The following ST3GAL5 variants were observed in gnomAD, a reference collection of about 807,000 sequenced individuals.
The protein encoded by ST3GAL5 is lactosylceramide alpha-2,3-sialyltransferase.
ST3GAL5 carries 25 observed loss-of-function variants against 46.1 expected under a neutral mutation model. The ratio of observed to expected loss-of-function variants is 0.54; its 90% CI spans 0.40 to 0.76. The LOEUF is 0.76. Ranked by LOEUF, ST3GAL5 falls within the 30% of genes least tolerant of loss-of-function variation. The probability of loss-of-function intolerance (pLI) is 0.00; values close to 1 mark genes in which losing one functional copy is unlikely to be tolerated. For missense variants in ST3GAL5, 431 were observed against 521.2 expected (o/e 0.83, Z 1.69); for synonymous variants, 182 against 192.7 (o/e 0.94, Z 0.46).
rs958749312 is a variant in ST3GAL5 at position 85,839,654 on chromosome 2, C to T, written c.*490G>A. ...CAGCCCAGGCCTCACGCCGCTGCAT[C>T]GCAGACCCAGTATCAGCAGCAGAGC... On this transcript the variant is annotated 3_prime_UTR_variant, in exon 7 of 7. Transcript: ENST00000638572. The T allele has an allele frequency of 2.1e-5, 5 of 234,436 alleles. No individual in the cohort carries two copies. The highest frequency in any genetic ancestry group is 5.4e-5 in the South Asian group (1 of 18,404). The allele number at this position is 234,436 out of a possible 1,614,324, so 14.5% of individuals were successfully genotyped here.
intron 5 of ST3GAL5, 172 bp downstream of exon 5, chr2:85,846,205 A>C (rs545920987): frequency 2.4e-4 from 156 of 639,652 alleles, no homozygotes; most frequent in African/African-American, 1.1e-3. Flanking sequence ...CTCCATCCCC[A>C]AAAAAAAGAA....
chr2:85,847,532 G>A, intron 4 of ST3GAL5: 1 of 1,097,144 alleles, frequency 9.1e-7, no homozygotes, highest in African/African-American at 1.6e-5. Context: ...TGTTCCTGGA[G>A]CCACACTGAC....
intron 3 of ST3GAL5, among the ~76,000 whole-genome samples, chr2:85,859,890 G>C (rs1268225002): frequency 1.3e-5 from 2 of 152,018 alleles, no homozygotes. Context: ...ATTTGAATTG[G>C]GTAAAACATT....
Position 85,880,805 on chromosome 2 carries a change from C to T in ST3GAL5, c.82+8019G>A, listed in dbSNP as rs570760722. 8.1e-4 allele frequency: 394 copies of T among 487,292 alleles called. 2 individuals are homozygous for T. The highest frequency in any genetic ancestry group is 1.7e-3 in the Middle Eastern group (3 of 1,818). 30.2% of individuals were successfully genotyped at this position (487,292 alleles called of 1,614,324 possible). ...TGCCACTGCACTCCAGCCTGGGTGA[C>T]AGACCAAGAATCTGTCTAAAAAGAA... On this transcript the variant is annotated intron_variant, in intron 1 of 6. Coordinates refer to ENST00000638572, the MANE Select transcript of ST3GAL5 (RefSeq NM_003896.4).
At chr2:85,848,884 C>T (rs1043555242) in intron 3 of ST3GAL5, 1 of 157,094 alleles carries the variant, frequency 6.4e-6, no homozygotes, top group Non-Finnish European at 1.4e-5. Context: ...ATATCAGGTT[C>T]TCATCTAGCA....
chr2:85,888,569 A>G (rs1335338480), intron 1 of ST3GAL5: 1 of 262,452 alleles, frequency 3.8e-6, no homozygotes, highest in East Asian at 6.9e-5. Flanking sequence ...GCGGGACCCG[A>G]CACCCGGCGG....
intron 1 of ST3GAL5, among the ~76,000 whole-genome samples, chr2:85,876,261 G>A (rs1686548650): frequency 6.6e-6 from 1 of 151,958 alleles, no homozygotes. Context: ...CTCTTTCAGG[G>A]GCAGCTGTAG....
Position 85,848,221 on chromosome 2 carries a change from C to T in ST3GAL5, c.319-17G>A. 1 of 1,613,950 alleles carries T rather than the reference C, an allele frequency of 6.2e-7. No homozygotes were observed. The highest frequency in any genetic ancestry group is 8.5e-7 in the Non-Finnish European group (1 of 1,179,922). ...CTGAGCTCTCTGGAATGAAATCACA[C>T]CAATCTGGGTTTTAAAAACTCTCCT... On this transcript the variant is annotated splice_polypyrimidine_tract_variant and intron_variant, in intron 3 of 6. Coordinates refer to ENST00000638572, the MANE Select transcript of ST3GAL5 (RefSeq NM_003896.4).
At chr2:85,862,548 G>A (rs535307350) in intron 2 of ST3GAL5, among the ~76,000 whole-genome samples, 1 of 152,244 alleles carries the variant, frequency 6.6e-6, no homozygotes, top group Non-Finnish European at 1.5e-5. Context: ...AGTGTCTGTA[G>A]CACATATCAG....
At chr2:85,856,748 T>G (rs1684155834) in intron 3 of ST3GAL5, among the ~76,000 whole-genome samples, 1 of 151,716 alleles carries the variant, frequency 6.6e-6, no homozygotes, top group South Asian at 2.1e-4. Context: ...GTTTTTATTT[T>G]TAATAGAGAT....
Position 85,840,018 on chromosome 2 carries a change from T to C in ST3GAL5, c.*126A>G. ...AAGAGCTAAAATTTTTTTTGTGTTT[T>C]TAAATTAAAAGTTAAAAACATGAGC... On this transcript the variant is annotated 3_prime_UTR_variant, in exon 7 of 7. Transcript: ENST00000638572. 1 of 1,461,306 alleles carries C rather than the reference T, an allele frequency of 6.8e-7. No individual in the cohort carries two copies. The highest frequency in any genetic ancestry group is 9.3e-7 in the Non-Finnish European group (1 of 1,080,626). The allele number at this position is 1,461,306 out of a possible 1,614,324, so 90.5% of individuals were successfully genotyped here.
At chr2:85,860,926 A>T (rs1684654049) in intron 3 of ST3GAL5, 2 of 483,232 alleles carry the variant, frequency 4.1e-6, no homozygotes. Context: ...GAGGAGCCCT[A>T]GAGCCTGTTG....
intron 1 of ST3GAL5, chr2:85,870,252 A>C (rs901891823): frequency 2.1e-6 from 1 of 470,490 alleles, no homozygotes; most frequent in Non-Finnish European, 4.4e-6. Flanking sequence ...CACTGTCTTC[A>C]CAGTGCCTAG....
At position 85,884,192 on chromosome 2, in the gene ST3GAL5, ATTAG is replaced by A. The variant is rs1418019425; in HGVS notation, c.82+4628_82+4631del. ...CACTGAGGGCTGTGGTGAACATTAC[ATTAG>A]TTAGTATATATAACATGTCTACAAT... On this transcript the variant is annotated intron_variant, in intron 1 of 6. Coordinates refer to ENST00000638572, the MANE Select transcript of ST3GAL5 (RefSeq NM_003896.4). 2.0e-5 allele frequency among the ~76,000 whole-genome samples: 3 copies of A among 152,324 alleles called. No individual in the cohort carries two copies. The East Asian group carries it at 5.8e-4, about 29-fold the overall frequency.
chr2:85,885,749 C>A (rs1687675217), intron 1 of ST3GAL5, among the ~76,000 whole-genome samples: 1 of 151,852 alleles, frequency 6.6e-6, no homozygotes, highest in Non-Finnish European at 1.5e-5. Context: ...GGCGTGAACC[C>A]CGGAGGCGGA....
intron 1 of ST3GAL5, chr2:85,888,511 A>C: frequency 4.8e-6 from 1 of 206,718 alleles, no homozygotes. Context: ...CCAGCAATGA[A>C]TTAAATCCCG....
At chr2:85,881,332 G>A (rs540223773) in intron 1 of ST3GAL5, among the ~76,000 whole-genome samples, 20 of 152,318 alleles carry the variant, frequency 1.3e-4, no homozygotes, top group African/African-American at 4.1e-4. Flanking sequence ...TAGATGGGGC[G>A]TAGCTGAAAA....
chr2:85,883,706 G>A (rs187652421), intron 1 of ST3GAL5, among the ~76,000 whole-genome samples: 15 of 152,312 alleles, frequency 9.8e-5, no homozygotes, highest in East Asian at 9.6e-4. Flanking sequence ...ACCCTGAGAC[G>A]CTAGAAAAGC....
intron 1 of ST3GAL5, among the ~76,000 whole-genome samples, chr2:85,870,965 AT>A (rs1685858200): frequency 6.6e-6 from 1 of 151,928 alleles, no homozygotes; most frequent in Non-Finnish European, 1.5e-5. Flanking sequence ...TACATGTGAT[AT>A]TTGGATACAT....
Sources: gnomAD v4.1 joint callset for allele counts (sites outside exome capture counted in the v4.1 genomes callset) on GRCh38, gnomAD v4.1.1 for gene constraint, MANE v1.5 for transcripts, NCBI Gene and HGNC (gene_info 2026-07-23, HGNC 2026-07-21) for gene names.